The following KCNIP1 variants were observed in gnomAD, a reference collection of about 807,000 sequenced individuals.
KCNIP1 encodes the protein potassium voltage-gated channel interacting protein 1, also known as A-type potassium channel modulatory protein KCNIP1.
Under a neutral mutation model 33.0 loss-of-function variants are expected in KCNIP1, and 18 were observed. The observed-to-expected ratio is 0.55, with a 90% CI of 0.38 to 0.81. The LOEUF is 0.81. Ranked by LOEUF, KCNIP1 falls within the 30% of genes least tolerant of loss-of-function variation. The pLI is 0.00. For missense variants in KCNIP1, 238 were observed against 271.6 expected (o/e 0.88, Z 0.87); for synonymous variants, 93 against 98.3 (o/e 0.95, Z 0.32).
chr5:170,612,927 C>T (rs568648188), intron 1 of KCNIP1, among the ~76,000 whole-genome samples: 10 of 152,328 alleles, frequency 6.6e-5, no homozygotes, highest in Non-Finnish European at 1.2e-4. Flanking sequence ...TCCTCTCTCC[C>T]TGGATTGTGG....
At chr5:170,425,757 G>C (rs191052595) in intron 1 of KCNIP1, among the ~76,000 whole-genome samples, 5 of 152,218 alleles carry the variant, frequency 3.3e-5, no homozygotes, top group Non-Finnish European at 7.3e-5. Context: ...CCAGGTGAGG[G>C]CTCTGGGTGT....
chr5:170,712,918 G>A, intron 1 of KCNIP1: 1 of 1,587,706 alleles, frequency 6.3e-7, no homozygotes, highest in South Asian at 1.1e-5. Context: ...CCTGACTTTG[G>A]TCACATGACT....
chr5:170,709,350 A>T (rs1445020220), intron 1 of KCNIP1, among the ~76,000 whole-genome samples: 1 of 152,192 alleles, frequency 6.6e-6, no homozygotes, highest in African/African-American at 2.4e-5. Flanking sequence ...ATATTAATTT[A>T]GAATTGTTTT....
chr5:170,704,346 T>A lies in KCNIP1; in HGVS notation c.62-14412T>A, dbSNP rs1210197743. On this transcript the variant is annotated intron_variant, in intron 1 of 7. Transcript: ENST00000328939. Reference sequence around the variant, plus strand: ...TGAGATCATGTAAGCAAAGTACATGTCACAGTGCTCTGCAAATAGGCAGTG... The same window carrying A: ...TGAGATCATGTAAGCAAAGTACATGACACAGTGCTCTGCAAATAGGCAGTG... Among the ~76,000 whole-genome samples the A allele has an allele frequency of 1.5e-5, 2 of 134,950 alleles. 1 individual carries two copies. The highest frequency in any genetic ancestry group is 3.1e-5 in the Non-Finnish European group (2 of 64,350). 88.5% of individuals were successfully genotyped at this position (134,950 alleles called of 152,430 possible).
At chr5:170,700,975 T>A (rs1410509461) in intron 1 of KCNIP1, among the ~76,000 whole-genome samples, 1 of 152,170 alleles carries the variant, frequency 6.6e-6, no homozygotes, top group Non-Finnish European at 1.5e-5. Flanking sequence ...AACAAAACAC[T>A]GGTTGCAGTA....
At chr5:170,523,040 C>A (rs1755423155) in intron 1 of KCNIP1, among the ~76,000 whole-genome samples, 1 of 152,188 alleles carries the variant, frequency 6.6e-6, no homozygotes, top group South Asian at 2.1e-4. Context: ...AGCTACTGCT[C>A]CGAGTTGATA....
rs1256723291 is a variant in KCNIP1, at chr5:170,412,438, G to A, written c.88+58474G>A. Among the ~76,000 whole-genome samples the A allele has an allele frequency of 2.0e-5, 3 of 152,120 alleles. No homozygotes were observed. In the East Asian group the frequency reaches 5.8e-4, roughly 29 times the overall value. ...TCAAGTAGCAAGAGGTAAATGATTTGGGGAGATTGATCTGGCCCTCCAAGG... is the reference window on the plus strand; with the variant it reads ...TCAAGTAGCAAGAGGTAAATGATTTAGGGAGATTGATCTGGCCCTCCAAGG... On this transcript the variant is annotated intron_variant, in intron 1 of 7. Transcript: ENST00000377360.
chr5:170,522,984 A>C (rs1223311768), intron 1 of KCNIP1, among the ~76,000 whole-genome samples: 1 of 152,212 alleles, frequency 6.6e-6, no homozygotes, highest in Non-Finnish European at 1.5e-5. Context: ...CCTTAGTAGG[A>C]ATTATAATTA....
At chr5:170,667,289 G>T (rs903054457) in intron 1 of KCNIP1, among the ~76,000 whole-genome samples, 31 of 146,752 alleles carry the variant, frequency 2.1e-4, no homozygotes, top group African/African-American at 8.0e-4. Flanking sequence ...TCCAGCCTGA[G>T]CAACAAGAGT....
At chr5:170,667,616 C>T (rs1241343820) in intron 1 of KCNIP1, among the ~76,000 whole-genome samples, 1 of 152,216 alleles carries the variant, frequency 6.6e-6, no homozygotes, top group Non-Finnish European at 1.5e-5. Context: ...TGGTTGAGAA[C>T]ATGGGCTCTA....
chr5:170,411,445 TGAGA>T (rs1561612636), intron 1 of KCNIP1, among the ~76,000 whole-genome samples: 4 of 151,290 alleles, frequency 2.6e-5, no homozygotes. Flanking sequence ...GGACAGAGAG[TGAGA>T]GAAAGAGAGA....
At chr5:170,690,268 A>T (rs1320201871) in intron 1 of KCNIP1, among the ~76,000 whole-genome samples, 5 of 152,166 alleles carry the variant, frequency 3.3e-5, no homozygotes, top group Non-Finnish European at 7.4e-5. Flanking sequence ...CACCTCCCAC[A>T]CAATGTAGAG....
intron 1 of KCNIP1, among the ~76,000 whole-genome samples, chr5:170,463,595 A>G (rs1209443935): frequency 1.3e-5 from 2 of 152,224 alleles, no homozygotes; most frequent in Admixed American, 6.5e-5. Flanking sequence ...TAGACACAGA[A>G]AAATCATTTA....
At chr5:170,575,358 G>A (rs1290421482) in intron 1 of KCNIP1, among the ~76,000 whole-genome samples, 4 of 152,190 alleles carry the variant, frequency 2.6e-5, no homozygotes, top group African/African-American at 9.7e-5. Context: ...TGTTACTTAA[G>A]TTTAAGCAGG....
chr5:170,377,809 T>A (rs1241734178), intron 1 of KCNIP1: 1 of 152,238 alleles, frequency 6.6e-6, no homozygotes, highest in Non-Finnish European at 1.5e-5. Flanking sequence ...CCTGACCTCG[T>A]GATCCACCAG....
intron 1 of KCNIP1, among the ~76,000 whole-genome samples, chr5:170,659,999 G>A (rs529373990): frequency 7.2e-5 from 11 of 152,160 alleles, no homozygotes; most frequent in South Asian, 4.2e-4. Flanking sequence ...CCATCTAACC[G>A]TTTCCATGGC....
At chr5:170,561,339 G>A (rs571559574) in intron 1 of KCNIP1, among the ~76,000 whole-genome samples, 29 of 152,252 alleles carry the variant, frequency 1.9e-4, no homozygotes, top group East Asian at 1.5e-3. Context: ...CACAGCAACC[G>A]TGACTGAAGA....
chr5:170,654,167 C>T (rs1387840477), intron 1 of KCNIP1, among the ~76,000 whole-genome samples: 1 of 152,180 alleles, frequency 6.6e-6, no homozygotes, highest in African/African-American at 2.4e-5. Context: ...TCTGAGAAGG[C>T]TGCCCTGGTC....
chr5:170,527,850 C>A (rs1252743513), intron 1 of KCNIP1, among the ~76,000 whole-genome samples: 1 of 151,836 alleles, frequency 6.6e-6, no homozygotes, highest in Non-Finnish European at 1.5e-5. Context: ...AAACAAAATG[C>A]ATCATGATAC....
Sources: gnomAD v4.1 joint callset for allele counts (sites outside exome capture counted in the v4.1 genomes callset) on GRCh38, gnomAD v4.1.1 for gene constraint, MANE v1.5 for transcripts, NCBI Gene and HGNC (gene_info 2026-07-23, HGNC 2026-07-21) for gene names.